Variants in SLC44A5 observed in about 807,000 individuals in gnomAD.
The protein encoded by SLC44A5 is solute carrier family 44 member 5, also known as choline transporter-like protein 5.
Under a neutral mutation model 101.8 loss-of-function variants are expected in SLC44A5, and 57 were observed. The observed-to-expected ratio is 0.56, with a 90% CI of 0.45 to 0.70. The LOEUF (loss-of-function observed/expected upper bound fraction) is 0.70. Ranked by LOEUF, SLC44A5 falls within the 30% of genes least tolerant of loss-of-function variation. SLC44A5 has a pLI of 0.00. For synonymous variants in SLC44A5, 281 were observed against 290.9 expected, an observed-to-expected ratio of 0.97 and a Z score of 0.35; for missense variants, 737 against 853.1, an observed-to-expected ratio of 0.86 and a Z score of 1.70.
intron 2 of SLC44A5, among the ~76,000 whole-genome samples, chr1:75,455,512 A>C (rs150017746): frequency 1.6e-3 from 237 of 152,306 alleles, no homozygotes; most frequent in African/African-American, 5.2e-3. Flanking sequence ...AAAATTAACA[A>C]GTGAGAACTA....
intron 2 of SLC44A5, among the ~76,000 whole-genome samples, chr1:75,414,324 TACACACACACAC>T (rs35421682): frequency 2.1e-5 from 3 of 145,986 alleles, no homozygotes; most frequent in Admixed American, 6.9e-5. Flanking sequence ...CATATCCACA[TACACACACACAC>T]ACACACACAC....
Position 75,272,132 on chromosome 1 carries a change from C to T in SLC44A5, c.260+2826G>A, listed in dbSNP as rs199777299. 2.6e-5 allele frequency among the ~76,000 whole-genome samples: 4 copies of T among 152,178 alleles called. No homozygotes were observed. The East Asian group carries it at 7.7e-4, about 29-fold the overall frequency. On this transcript the variant is annotated intron_variant, in intron 6 of 23. Transcript: ENST00000370859. Reference sequence around the variant, plus strand: ...TATCTTCTGTTGAGAAATGTCTATTCATGTCCTTAGCCCACTTTTGATGGG... The same window carrying T: ...TATCTTCTGTTGAGAAATGTCTATTTATGTCCTTAGCCCACTTTTGATGGG...
chr1:75,228,129 C>G (rs1422873677), intron 12 of SLC44A5, among the ~76,000 whole-genome samples: 1 of 152,134 alleles, frequency 6.6e-6, no homozygotes, highest in Middle Eastern at 3.2e-3. Context: ...TAATGTCCAT[C>G]AGTAAGACAT....
chr1:75,523,378 T>A (rs935634370), intron 2 of SLC44A5, among the ~76,000 whole-genome samples: 1 of 152,156 alleles, frequency 6.6e-6, no homozygotes, highest in African/African-American at 2.4e-5. Flanking sequence ...AGTTGTGTGA[T>A]CTCAGCCCAC....
the SLC44A5 span, among the ~76,000 whole-genome samples, chr1:75,702,680 G>A: frequency 4.6e-5 from 7 of 152,140 alleles, no homozygotes; most frequent in Admixed American, 1.3e-4. Flanking sequence ...AAACTAAAGA[G>A]CTTCTGCACA....
At chr1:75,641,411 C>CT in the SLC44A5 span, 1 of 1,073,320 alleles carries the variant, frequency 9.3e-7, no homozygotes, top group Non-Finnish European at 1.4e-6. Flanking sequence ...TTGTACATTG[C>CT]TTTGTGGAGA....
intron 2 of SLC44A5, among the ~76,000 whole-genome samples, chr1:75,511,350 A>G (rs1261532499): frequency 3.3e-5 from 5 of 152,182 alleles, no homozygotes; most frequent in African/African-American, 1.2e-4. Flanking sequence ...CATGTTTCAT[A>G]GACTTTTACA....
At chr1:75,668,315 C>CT in the SLC44A5 span, among the ~76,000 whole-genome samples, 4,687 of 64,936 alleles carry the variant, frequency 0.072, 1,211 homozygotes, top group African/African-American at 0.17. Flanking sequence ...TCCTAGGAGC[C>CT]TTTTTTTTTT....
At chr1:75,622,257 C>T in the SLC44A5 span, among the ~76,000 whole-genome samples, 2 of 152,036 alleles carry the variant, frequency 1.3e-5, no homozygotes, top group African/African-American at 4.8e-5. Flanking sequence ...GAGTCCTCCT[C>T]ACCCCACCCC....
Position 75,293,367 on chromosome 1 carries a change from C to T in SLC44A5, c.175+7245G>A, listed in dbSNP as rs554836003. Among the ~76,000 whole-genome samples, 29 of 152,236 alleles carry T rather than the reference C, an allele frequency of 1.9e-4. No homozygotes were observed. The South Asian group carries it at 3.5e-3, about 19-fold the overall frequency. Reference sequence around the variant, plus strand: ...CTGTCAAGGAGAAAATGTGATTAGACCAACTGCTTGCACCGACACTTAAAA... The same window carrying T: ...CTGTCAAGGAGAAAATGTGATTAGATCAACTGCTTGCACCGACACTTAAAA... On this transcript the variant is annotated intron_variant, in intron 5 of 23. Coordinates refer to ENST00000370859, the MANE Select transcript of SLC44A5 (RefSeq NM_001130058.2).
chr1:75,289,508 C>A (rs1653357319), intron 5 of SLC44A5, among the ~76,000 whole-genome samples: 1 of 152,162 alleles, frequency 6.6e-6, no homozygotes, highest in South Asian at 2.1e-4. Context: ...ACTCCATTCC[C>A]AATGGATATG....
At chr1:75,720,005 G>C in the SLC44A5 span, among the ~76,000 whole-genome samples, 1 of 152,210 alleles carries the variant, frequency 6.6e-6, no homozygotes, top group Non-Finnish European at 1.5e-5. Flanking sequence ...GTTCTGGGAA[G>C]GCTTCTAAGA....
the SLC44A5 span, among the ~76,000 whole-genome samples, chr1:75,686,515 G>A: frequency 0.016 from 2,388 of 152,284 alleles, 71 homozygotes; most frequent in African/African-American, 0.053. Flanking sequence ...AAACAGCAAG[G>A]AGGCCATAAA....
chr1:75,683,429 A>T, the SLC44A5 span, among the ~76,000 whole-genome samples: 1 of 150,728 alleles, frequency 6.6e-6, no homozygotes, highest in South Asian at 2.1e-4. Context: ...TGCAGCCATA[A>T]AAAATGATGA....
At position 75,379,111 on chromosome 1, in the gene SLC44A5, C is replaced by A. The variant is rs1481283808; in HGVS notation, c.52+17472G>T. On this transcript the variant is annotated intron_variant, in intron 3 of 23. Coordinates refer to ENST00000370859, the MANE Select transcript of SLC44A5 (RefSeq NM_001130058.2). ...AGGGAGAGCCTCCCACAGTTGAGGC[C>A]AGATACAAGTCTTTTTCGATAAAAA... Among the ~76,000 whole-genome samples, 2 of 76,844 alleles carry A rather than the reference C, an allele frequency of 2.6e-5. 1 individual carries two copies. Among genetic ancestry groups the A allele is most frequent in the Non-Finnish European group, 4.3e-5 (2 of 46,364 alleles). 50.4% of individuals were successfully genotyped at this position (76,844 alleles called of 152,430 possible). A position where few individuals can be genotyped will look rare whatever the true frequency, so the allele number is the denominator to read the frequency against.
chr1:75,521,322 AAGCATTGGGATGAAGTGCAGAC>A (rs1287872770), intron 2 of SLC44A5, among the ~76,000 whole-genome samples: 1 of 152,188 alleles, frequency 6.6e-6, no homozygotes, highest in African/African-American at 2.4e-5. Flanking sequence ...GGGACGACAT[AAGCATTGGGATGAAGTGCAGAC>A]AGCACAGAGG....
the SLC44A5 span, among the ~76,000 whole-genome samples, chr1:75,690,657 A>T: frequency 3.9e-5 from 6 of 152,326 alleles, no homozygotes; most frequent in Non-Finnish European, 7.3e-5. Flanking sequence ...GCTAGATTTG[A>T]TCTAGGTTTT....
chr1:75,448,671 T>C (rs1022029993), intron 2 of SLC44A5, among the ~76,000 whole-genome samples: 4 of 152,168 alleles, frequency 2.6e-5, no homozygotes, highest in East Asian at 1.9e-4. Context: ...TGAGATATGA[T>C]CACCTCTCAC....
the SLC44A5 span, among the ~76,000 whole-genome samples, chr1:75,648,840 C>A: frequency 6.6e-6 from 1 of 151,846 alleles, no homozygotes; most frequent in East Asian, 1.9e-4. Flanking sequence ...TAAATAAATA[C>A]CACTGTAATA....
Sources: allele counts gnomAD v4.1 joint callset (sites outside exome capture counted in the v4.1 genomes callset), GRCh38; gene constraint gnomAD v4.1.1; transcripts MANE v1.5; gene names NCBI Gene and HGNC (gene_info 2026-07-23, HGNC 2026-07-21).